AHNAK: variants seen among roughly 807,000 people sequenced by gnomAD.
AHNAK encodes AHNAK nucleoprotein.
In AHNAK, 23 loss-of-function variants were observed where a neutral mutation model predicts 37.8. That is an observed-to-expected ratio of 0.61 (90% CI 0.44 to 0.86). The LOEUF (loss-of-function observed/expected upper bound fraction) is 0.86. AHNAK is among the 40% of genes least tolerant of loss of function. The probability of loss-of-function intolerance (pLI) is 0.00; values close to 1 mark genes in which losing one functional copy is unlikely to be tolerated. For missense variants in AHNAK, 7,411 were observed against 7,319.4 expected, an observed-to-expected ratio of 1.01 and a Z score of -0.46; for synonymous variants, 2,481 against 2,636.3, an observed-to-expected ratio of 0.94 and a Z score of 1.80.
intron 5 of AHNAK, among the ~76,000 whole-genome samples, chr11:62,462,228 C>T (rs1590601304): frequency 6.6e-6 from 1 of 152,038 alleles, no homozygotes; most frequent in Non-Finnish European, 1.5e-5. Flanking sequence ...ACCCTCCACC[C>T]GCTGGGCCTC....
chr11:62,469,308 G>C (rs1249074184), intron 5 of AHNAK, among the ~76,000 whole-genome samples: 2 of 152,092 alleles, frequency 1.3e-5, no homozygotes, highest in Non-Finnish European at 2.9e-5. Context: ...TTTTAGTAAA[G>C]AGGATGTTTC....
intron 5 of AHNAK, among the ~76,000 whole-genome samples, chr11:62,449,713 T>A (rs1017417021): frequency 4.6e-5 from 7 of 152,154 alleles, no homozygotes; most frequent in African/African-American, 1.7e-4. Flanking sequence ...AAAATAACAA[T>A]GACTAACGTT....
At chr11:62,545,314 C>G (rs2509967) in intron 1 of AHNAK, among the ~76,000 whole-genome samples, 46,786 of 152,200 alleles carry the variant, frequency 0.31, 7,614 homozygotes, top group Non-Finnish European at 0.37. Context: ...TGTTGTGGGG[C>G]CTCGGCTACA....
chr11:62,474,503 C>A (rs1459213283), intron 5 of AHNAK, among the ~76,000 whole-genome samples: 4 of 152,124 alleles, frequency 2.6e-5, no homozygotes, highest in Non-Finnish European at 5.9e-5. Context: ...CATCTTTAAC[C>A]AGCTCCCCAG....
intron 5 of AHNAK, among the ~76,000 whole-genome samples, chr11:62,473,819 G>A (rs1939089038): frequency 6.6e-6 from 1 of 151,964 alleles, no homozygotes; most frequent in Non-Finnish European, 1.5e-5. Context: ...AACATGGTGA[G>A]ACCCCCACCT....
chr11:62,505,710 T>A (rs1416391866), intron 4 of AHNAK, among the ~76,000 whole-genome samples: 1 of 148,802 alleles, frequency 6.7e-6, no homozygotes, highest in Non-Finnish European at 1.5e-5. Flanking sequence ...CCCCTCGACC[T>A]AGGGCTTTGC....
At chr11:62,476,676 C>G (rs1939153691) in intron 5 of AHNAK, among the ~76,000 whole-genome samples, 1 of 152,204 alleles carries the variant, frequency 6.6e-6, no homozygotes, top group South Asian at 2.1e-4. Flanking sequence ...TTCTCTTATT[C>G]TACGCAACAA....
chr11:62,512,028 G>A (rs12291805), downstream of AHNAK, among the ~76,000 whole-genome samples: 4,820 of 152,272 alleles, frequency 0.032, 101 homozygotes, highest in Middle Eastern at 0.078. The surrounding 1 kb of genome is among the most constrained non-coding windows in gnomAD (Gnocchi z 4.0). Flanking sequence ...TTGTATTTTA[G>A]TAGAGATGGG....
intron 5 of AHNAK, among the ~76,000 whole-genome samples, chr11:62,463,638 G>T (rs1442706354): frequency 1.3e-5 from 2 of 152,158 alleles, no homozygotes; most frequent in Non-Finnish European, 2.9e-5. Context: ...TGCTGACAGG[G>T]TGACCGACTG....
chr11:62,499,547 T>C (rs1939677237), intron 4 of AHNAK, among the ~76,000 whole-genome samples: 1 of 151,802 alleles, frequency 6.6e-6, no homozygotes, highest in African/African-American at 2.4e-5. Context: ...CAAGACTCCA[T>C]CTCAAAAAAA....
chr11:62,511,653 A>G (rs571236257), downstream of AHNAK, among the ~76,000 whole-genome samples: 1 of 152,218 alleles, frequency 6.6e-6, no homozygotes, highest in Non-Finnish European at 1.5e-5. Context: ...CTTTAAGAAA[A>G]AACTGTAGCA....
chr11:62,502,387 A>G (rs994752949), intron 4 of AHNAK, among the ~76,000 whole-genome samples: 2 of 152,306 alleles, frequency 1.3e-5, no homozygotes, highest in Admixed American at 1.3e-4. Flanking sequence ...GTTTGTTTTT[A>G]CCCTAAGTAC....
intron 4 of AHNAK, among the ~76,000 whole-genome samples, chr11:62,508,358 G>A (rs572595898): frequency 1.3e-5 from 2 of 152,176 alleles, no homozygotes; most frequent in East Asian, 3.9e-4. Context: ...TCGCTTTTCC[G>A]AGCCTCACCT....
chr11:62,500,940 C>CACATCTGTATG (rs1939701060), intron 4 of AHNAK, among the ~76,000 whole-genome samples: 1 of 152,178 alleles, frequency 6.6e-6, no homozygotes, highest in Admixed American at 6.5e-5. Flanking sequence ...CAATTCTGGC[C>CACATCTGTATG]AGGCACAGTG....
Position 62,474,250 on chromosome 11 carries a change from T to C in AHNAK, c.442+17482A>G, listed in dbSNP as rs185031371. Among the ~76,000 whole-genome samples, 455 of 151,064 alleles carry C rather than the reference T, an allele frequency of 3.0e-3. 1 individual carries two copies. Among genetic ancestry groups the C allele is most frequent in the African/African-American group, 0.01 (417 of 41,164 alleles). On this transcript the variant is annotated intron_variant, in intron 5 of 5. Transcript: ENST00000257247. ...CCCAGGCTGGAGTGCAGTGGCACGATCTTGGCTCACTGCAACCTCCACCTC... is the reference window on the plus strand; with the variant it reads ...CCCAGGCTGGAGTGCAGTGGCACGACCTTGGCTCACTGCAACCTCCACCTC...
chr11:62,497,964 C>CA (rs796625521), intron 4 of AHNAK, among the ~76,000 whole-genome samples: 2,383 of 118,838 alleles, frequency 0.02, 53 homozygotes, highest in African/African-American at 0.065. Context: ...GACTTCATCT[C>CA]AAAAAAAAAA....
chr11:62,496,750 G>A (rs561856102), intron 4 of AHNAK, among the ~76,000 whole-genome samples: 30 of 151,870 alleles, frequency 2.0e-4, no homozygotes, highest in Non-Finnish European at 5.9e-5. Context: ...AGCCGAGATC[G>A]CATCACTGCA....
chr11:62,433,991 G>T, intron 5 of AHNAK: 1 of 1,453,804 alleles, frequency 6.9e-7, no homozygotes, highest in Non-Finnish European at 9.5e-7. Flanking sequence ...CTGAAAGAAG[G>T]TCCCCCCACT....
chr11:62,527,678 T>C lies in AHNAK; in HGVS notation c.6739A>G (p.Lys2247Glu), dbSNP rs143725813. ...CCAGGCATGCTGAACTTGGGCATTT[T>C]CATCTTAGGCATCTTCAGGTGCCAG... ...PDWHLKMPKM[K>E]MPKFSMPGFK... The change falls in exon 5 of 5, where the codon AAA becomes GAA. Residue 2247 changes from lysine (K) to glutamate (E), a missense_variant. Lys to Glu is a moderately conservative substitution (Grantham distance 56). Transcript: ENST00000378024. 1.5e-5 allele frequency: 24 copies of C among 1,613,954 alleles called. No individual in the cohort carries two copies. Among genetic ancestry groups the C allele is most frequent in the Non-Finnish European group, 1.9e-5 (23 of 1,180,004 alleles).
Sources: allele counts gnomAD v4.1 joint callset (sites outside exome capture counted in the v4.1 genomes callset), GRCh38; gene constraint gnomAD v4.1.1; non-coding constraint Gnocchi (gnomAD v3.1); transcripts MANE v1.5; gene names NCBI Gene and HGNC (gene_info 2026-07-23, HGNC 2026-07-21).